COBLL1: variants seen among roughly 807,000 people sequenced by gnomAD.
COBLL1 encodes cordon-bleu WH2 repeat protein like 1.
A neutral mutation model predicts 94.8 loss-of-function variants in COBLL1; 50 were observed. That is an observed-to-expected ratio of 0.53 (90% CI 0.42 to 0.67). COBLL1 has a LOEUF of 0.67. Ranked by LOEUF, COBLL1 falls within the 30% of genes least tolerant of loss-of-function variation. The pLI is 0.00. For synonymous variants in COBLL1, 448 were observed against 473.8 expected, an observed-to-expected ratio of 0.95 and a Z score of 0.71; for missense variants, 1,362 against 1,348.7, an observed-to-expected ratio of 1.01 and a Z score of -0.15.
intron 2 of COBLL1, among the ~76,000 whole-genome samples, chr2:164,808,913 A>G (rs1326576358): frequency 6.6e-6 from 1 of 152,128 alleles, no homozygotes; most frequent in East Asian, 1.9e-4. Flanking sequence ...AAGTAAGAAC[A>G]ATGTTTCTTT....
chr2:164,754,193 G>A (rs891530321), intron 2 of COBLL1, among the ~76,000 whole-genome samples: 3 of 152,092 alleles, frequency 2.0e-5, no homozygotes, highest in Non-Finnish European at 4.4e-5. Context: ...GGTAATTATT[G>A]TATGCTGACT....
chr2:164,818,713 TAG>T (rs1491543108), intron 2 of COBLL1, among the ~76,000 whole-genome samples: 2 of 135,458 alleles, frequency 1.5e-5, no homozygotes, highest in East Asian at 4.0e-4. Context: ...TAAACATATA[TAG>T]TATATATATA....
rs1428634336 is a variant in COBLL1, at chr2:164,728,043, T to C, written c.587A>G (p.Gln196Arg). 7 of 1,613,820 alleles carry C rather than the reference T, an allele frequency of 4.3e-6. No homozygotes were observed. Among genetic ancestry groups the C allele is most frequent in the Non-Finnish European group, 5.9e-6 (7 of 1,179,736 alleles). Reference sequence around the variant, plus strand: ...AGATTTTGTCAAGTCAAGAGGCTCCTGCGATTGATAATCTTTCAACAATAG... The same window carrying C: ...AGATTTTGTCAAGTCAAGAGGCTCCCGCGATTGATAATCTTTCAACAATAG... ...HTLLLKDYQS[Q>R]EPLDLTKSLN... Residue 196 changes from glutamine to arginine, a missense_variant, in exon 5 of 14, where the codon CAG (glutamine) becomes CGG (arginine). By Grantham distance (43) the Gln-to-Arg change is conservative. Transcript: ENST00000652658.
chr2:164,766,160 A>C (rs899628343), intron 2 of COBLL1, among the ~76,000 whole-genome samples: 11 of 152,244 alleles, frequency 7.2e-5, no homozygotes, highest in African/African-American at 2.4e-4. Flanking sequence ...ATGCCATTGC[A>C]TGAATAGACA....
intron 3 of COBLL1, among the ~76,000 whole-genome samples, chr2:164,731,669 T>C (rs771776845): frequency 6.6e-6 from 1 of 152,206 alleles, no homozygotes; most frequent in Non-Finnish European, 1.5e-5. Flanking sequence ...GGTAATCGGG[T>C]AGCCAGCCAT....
chr2:164,764,642 C>A (rs1687849961), intron 2 of COBLL1, among the ~76,000 whole-genome samples: 1 of 151,976 alleles, frequency 6.6e-6, no homozygotes, highest in African/African-American at 2.4e-5. Context: ...ACTTTTTGGG[C>A]AAACAGAATG....
chr2:164,781,607 C>A (rs1287090346), intron 2 of COBLL1, among the ~76,000 whole-genome samples: 2 of 152,078 alleles, frequency 1.3e-5, no homozygotes, highest in Non-Finnish European at 2.9e-5. Context: ...AACTATTTAG[C>A]GAATTAGTCA....
intron 2 of COBLL1, among the ~76,000 whole-genome samples, chr2:164,833,285 C>G (rs903930087): frequency 6.6e-6 from 1 of 151,806 alleles, no homozygotes; most frequent in East Asian, 2.0e-4. Flanking sequence ...GCCCAGAAGG[C>G]AGAGGTTGCA....
intron 2 of COBLL1, among the ~76,000 whole-genome samples, chr2:164,752,705 A>G (rs1687188255): frequency 6.6e-6 from 1 of 152,174 alleles, no homozygotes; most frequent in Non-Finnish European, 1.5e-5. Flanking sequence ...ACAGGAAGGC[A>G]GATACCAGAT....
At chr2:164,831,716 G>A (rs1018788563) in intron 2 of COBLL1, among the ~76,000 whole-genome samples, 1 of 151,938 alleles carries the variant, frequency 6.6e-6, no homozygotes, top group Non-Finnish European at 1.5e-5. Context: ...AGCTGCCACA[G>A]ACCAGGAAAT....
Position 164,705,116 on chromosome 2 carries a change from A to G in COBLL1, c.997-11T>C. 2 of 1,495,516 alleles carry G rather than the reference A, an allele frequency of 1.3e-6. No individual in the cohort carries two copies. Among genetic ancestry groups the G allele is most frequent in the Non-Finnish European group, 1.8e-6 (2 of 1,123,866 alleles). The allele number at this position is 1,495,516 out of a possible 1,614,324, so 92.6% of individuals were successfully genotyped here. ...TGCTTCACAGGGACTCTGGAAAACA[A>G]AATGACCAAATAAAATCCTACATTT... On this transcript the variant is annotated splice_polypyrimidine_tract_variant and intron_variant, in intron 7 of 13. Coordinates refer to ENST00000652658, the MANE Select transcript of COBLL1 (RefSeq NM_001365672.2).
intron 8 of COBLL1, 44 bp downstream of exon 8, chr2:164,704,907 AC>A (rs1684501798): frequency 1.3e-6 from 2 of 1,499,704 alleles, no homozygotes; most frequent in East Asian, 4.7e-5. Flanking sequence ...TCCATATTAA[AC>A]AAAACACAAT....
intron 2 of COBLL1, among the ~76,000 whole-genome samples, chr2:164,825,116 T>C (rs1240056456): frequency 6.6e-6 from 1 of 152,206 alleles, no homozygotes; most frequent in Non-Finnish European, 1.5e-5. Flanking sequence ...TATAGCAACA[T>C]GTCATGCATT....
intron 3 of COBLL1, among the ~76,000 whole-genome samples, chr2:164,733,011 C>T (rs1372343861): frequency 2.6e-5 from 4 of 152,102 alleles, no homozygotes; most frequent in Admixed American, 6.6e-5. Context: ...GCCGAGATCA[C>T]GCCACTGCAC....
chr2:164,739,514 A>T (rs1241278522), intron 3 of COBLL1, among the ~76,000 whole-genome samples: 2 of 152,226 alleles, frequency 1.3e-5, no homozygotes, highest in Non-Finnish European at 2.9e-5. Flanking sequence ...CTTCCGTCAA[A>T]CATTGATAGT....
chr2:164,737,433 C>T (rs549215866), intron 3 of COBLL1, among the ~76,000 whole-genome samples: 1 of 152,100 alleles, frequency 6.6e-6, no homozygotes, highest in Non-Finnish European at 1.5e-5. Flanking sequence ...TCAAATAGTA[C>T]CGATTAAAAA....
intron 2 of COBLL1, among the ~76,000 whole-genome samples, chr2:164,797,308 G>A (rs1553479502): frequency 6.6e-6 from 1 of 152,064 alleles, no homozygotes; most frequent in Non-Finnish European, 1.5e-5. Flanking sequence ...TTTTCAGAAA[G>A]TTCTAAGCTA....
chr2:164,831,251 G>A (rs1683062897), intron 2 of COBLL1, among the ~76,000 whole-genome samples: 1 of 152,108 alleles, frequency 6.6e-6, no homozygotes, highest in Non-Finnish European at 1.5e-5. Flanking sequence ...GAACCTGGGA[G>A]GCAGAGGTTA....
chr2:164,770,472 T>C (rs1007328399), intron 2 of COBLL1, among the ~76,000 whole-genome samples: 1 of 152,150 alleles, frequency 6.6e-6, no homozygotes, highest in African/African-American at 2.4e-5. Context: ...TGTAAAACTA[T>C]ATTAAATCTT....
Sources: allele counts gnomAD v4.1 joint callset (sites outside exome capture counted in the v4.1 genomes callset), GRCh38; gene constraint gnomAD v4.1.1; transcripts MANE v1.5; gene names NCBI Gene and HGNC (gene_info 2026-07-23, HGNC 2026-07-21).